PCDH11X: variants seen among roughly 807,000 people sequenced by gnomAD.
PCDH11X encodes protocadherin 11 X-linked.
A neutral mutation model predicts 53.3 loss-of-function variants in PCDH11X; 18 were observed. The observed-to-expected ratio is 0.34, with a 90% confidence interval of 0.23 to 0.50. PCDH11X has a LOEUF of 0.50. Among genes scored for constraint, PCDH11X ranks in the 20% least tolerant of loss-of-function variants. The pLI is 0.98. For missense variants in PCDH11X, 570 were observed against 1,032.4 expected, an observed-to-expected ratio of 0.55 and a Z score of 6.14; for synonymous variants, 279 against 393.3, an observed-to-expected ratio of 0.71 and a Z score of 3.44.
At chrX:92,273,645 G>A (rs921917888) in intron 8 of PCDH11X, among the ~76,000 whole-genome samples, 11 of 110,710 alleles carry the variant, frequency 9.9e-5, no homozygotes, top group Non-Finnish European at 1.3e-4. Context: ...TAGGGGCGGC[G>A]TGGGAACCTA....
intron 6 of PCDH11X, among the ~76,000 whole-genome samples, chrX:92,191,483 T>C (rs1020358677): frequency 8.9e-6 from 1 of 111,835 alleles, no homozygotes. Context: ...CATTATTATG[T>C]AAGGGGTTTT....
chrX:92,587,998 C>T (rs1320309047), intron 10 of PCDH11X, among the ~76,000 whole-genome samples: 1 of 105,903 alleles, frequency 9.4e-6, no homozygotes, highest in Non-Finnish European at 1.9e-5. Context: ...ATATATTTCT[C>T]TAGGAAGAAT....
intron 5 of PCDH11X, among the ~76,000 whole-genome samples, chrX:91,838,305 G>C (rs1937377176): frequency 9.0e-6 from 1 of 111,658 alleles, no homozygotes; most frequent in African/African-American, 3.3e-5. Flanking sequence ...CTCACTACAG[G>C]TTCTTAGATG....
chrX:91,985,819 G>A (rs1185171135), intron 6 of PCDH11X, among the ~76,000 whole-genome samples: 5 of 110,293 alleles, frequency 4.5e-5, no homozygotes, highest in African/African-American at 1.7e-4. Flanking sequence ...TACTTCATAG[G>A]AAACTTAAAT....
At chrX:92,213,516 C>A (rs1476527490) in intron 7 of PCDH11X, among the ~76,000 whole-genome samples, 1 of 111,532 alleles carries the variant, frequency 9.0e-6, no homozygotes, top group Non-Finnish European at 1.9e-5. Flanking sequence ...TGCTGTTTGT[C>A]CAATCGTACA....
intron 8 of PCDH11X, among the ~76,000 whole-genome samples, chrX:92,278,333 G>T (rs772952797): frequency 4.5e-4 from 50 of 111,755 alleles, no homozygotes; most frequent in Non-Finnish European, 7.5e-4. Context: ...CCTAAGGGAG[G>T]TCCCCCGATC....
chrX:92,475,370 A>G (rs2073360785), intron 10 of PCDH11X, among the ~76,000 whole-genome samples: 1 of 110,480 alleles, frequency 9.1e-6, no homozygotes, highest in African/African-American at 3.3e-5. Flanking sequence ...TGTTGTTAAA[A>G]TCCTTCAGCT....
At chrX:91,866,433 C>A (rs1938990650) in intron 5 of PCDH11X, among the ~76,000 whole-genome samples, 1 of 110,331 alleles carries the variant, frequency 9.1e-6, no homozygotes, top group African/African-American at 3.3e-5. Context: ...TGGTTCCCCA[C>A]CAGATAGGGC....
intron 6 of PCDH11X, among the ~76,000 whole-genome samples, chrX:92,152,820 C>T (rs75902145): frequency 0.014 from 1,547 of 108,101 alleles, 10 homozygotes; most frequent in Non-Finnish European, 0.02. Context: ...TTTTTTGAGA[C>T]GGAGTCTAGC....
chrX:91,819,258 T>A (rs1396497859), intron 4 of PCDH11X, among the ~76,000 whole-genome samples: 1 of 107,745 alleles, frequency 9.3e-6, no homozygotes, highest in Non-Finnish European at 1.9e-5. Flanking sequence ...GGTTTGTGGT[T>A]GTCCTAAGTG....
Position 92,069,926 on chromosome X carries a change from C to T in PCDH11X, c.3034-131449C>T, listed in dbSNP as rs6615315. 0.011 allele frequency among the ~76,000 whole-genome samples: 1,191 copies of T among 110,930 alleles called. 75 individuals are homozygous for T. The East Asian group carries it at 0.24, about 22-fold the overall frequency. On this transcript the variant is annotated intron_variant, in intron 6 of 10. Transcript: ENST00000682573. ...CAAACTCCTGACCTCAGGTGATCTG[C>T]CTGCCTCGGCCTCCCAAAGCGCTAG... is the stretch of plus-strand genomic sequence containing the variant.
At chrX:92,157,640 A>G (rs1036953209) in intron 6 of PCDH11X, among the ~76,000 whole-genome samples, 1 of 111,716 alleles carries the variant, frequency 9.0e-6, no homozygotes, top group African/African-American at 3.3e-5. Flanking sequence ...AAAATGAATA[A>G]ATAATTGTTA....
chrX:91,934,620 A>C (rs1217633101), intron 6 of PCDH11X, among the ~76,000 whole-genome samples: 5 of 105,648 alleles, frequency 4.7e-5, no homozygotes, highest in African/African-American at 1.7e-4. Context: ...CTTCAAAACT[A>C]TATGGAAATA....
intron 6 of PCDH11X, among the ~76,000 whole-genome samples, chrX:91,993,275 G>A (rs762475692): frequency 1.8e-5 from 2 of 112,882 alleles, no homozygotes; most frequent in South Asian, 7.2e-4. Flanking sequence ...TGCAAAATCT[G>A]TGTTCTCATT....
rs778977821 is a variant in PCDH11X at position 92,265,228 on chromosome X, C to T, written c.3144+2085C>T. 3.7e-3 allele frequency among the ~76,000 whole-genome samples: 404 copies of T among 109,925 alleles called. 1 individual carries two copies. The highest frequency in any genetic ancestry group is 0.023 in the Middle Eastern group (5 of 216). ...GGGATTATGTGTGTGAGCCACCGCA[C>T]CCGGCCGATAAGCAGAATCTTTAAA... On this transcript the variant is annotated intron_variant, in intron 8 of 10. Transcript: ENST00000682573.
At chrX:91,998,866 T>C (rs1010273728) in intron 6 of PCDH11X, among the ~76,000 whole-genome samples, 4 of 111,169 alleles carry the variant, frequency 3.6e-5, no homozygotes, top group Non-Finnish European at 1.9e-5. Context: ...TATTTCCTGA[T>C]TGATAGTATG....
At chrX:92,575,945 ACACACACACACACACACACACACACC>A (rs1922843973) in intron 10 of PCDH11X, among the ~76,000 whole-genome samples, 3 of 24,278 alleles carry the variant, frequency 1.2e-4, no homozygotes, top group African/African-American at 2.3e-4. Context: ...ATATATATAT[ACACACACACACACACACACACACACC>A]TGGGGTGTAT....
intron 7 of PCDH11X, among the ~76,000 whole-genome samples, chrX:92,246,477 C>T (rs956588873): frequency 4.5e-5 from 5 of 110,677 alleles, no homozygotes; most frequent in Non-Finnish European, 9.4e-5. Context: ...CTCAGTATCC[C>T]GAGTAGCTGG....
intron 7 of PCDH11X, among the ~76,000 whole-genome samples, chrX:92,255,289 C>T (rs1231779592): frequency 0.011 from 1,139 of 101,643 alleles, 14 homozygotes; most frequent in Non-Finnish European, 0.017. Flanking sequence ...TTTTCAGCTC[C>T]ATCAGCTCCT....
Sources: gnomAD v4.1 joint callset for allele counts (sites outside exome capture counted in the v4.1 genomes callset) on GRCh38, gnomAD v4.1.1 for gene constraint, MANE v1.5 for transcripts, NCBI Gene and HGNC (gene_info 2026-07-23, HGNC 2026-07-21) for gene names.